The following RBPJ variants were observed in gnomAD, a reference collection of about 807,000 sequenced individuals.
The protein encoded by RBPJ is recombination signal binding protein for immunoglobulin kappa J region.
In RBPJ, 9 loss-of-function variants were observed where a neutral mutation model predicts 67.8. The ratio of observed to expected loss-of-function variants is 0.13; its 90% CI spans 0.08 to 0.23. The LOEUF (loss-of-function observed/expected upper bound fraction) is 0.23, where lower values mean the gene tolerates loss of function less well. RBPJ is among the 10% of genes least tolerant of loss of function. The probability of loss-of-function intolerance (pLI) is 1.00; values close to 1 mark genes in which losing one functional copy is unlikely to be tolerated. For missense variants in RBPJ, 305 were observed against 595.6 expected (o/e 0.51, Z 5.08); for synonymous variants, 198 against 203.3 (o/e 0.97, Z 0.22).
At chr4:26,223,027 C>G (rs569353887) in intron 1 of RBPJ, among the ~76,000 whole-genome samples, 9 of 151,768 alleles carry the variant, frequency 5.9e-5, no homozygotes, top group African/African-American at 2.2e-4. Flanking sequence ...TGGTGGTGTG[C>G]ACCTGTAATC....
At chr4:26,172,652 T>C (rs547853123) in intron 1 of RBPJ, among the ~76,000 whole-genome samples, 1 of 152,208 alleles carries the variant, frequency 6.6e-6, no homozygotes, top group African/African-American at 2.4e-5. Flanking sequence ...ATAATTAATA[T>C]CTACCTCATG....
At chr4:26,161,055 A>T (rs889983472), upstream of RBPJ, among the ~76,000 whole-genome samples, 12 of 152,182 alleles carry the variant, frequency 7.9e-5, no homozygotes, top group East Asian at 2.1e-3. Context: ...CAGCCATTAA[A>T]TCTGGGCTGG....
intron 1 of RBPJ, among the ~76,000 whole-genome samples, chr4:26,178,591 G>A (rs1039767189): frequency 1.7e-4 from 22 of 131,630 alleles, no homozygotes; most frequent in Non-Finnish European, 3.1e-4. Flanking sequence ...CTGGGTGACA[G>A]AGCAAGACCC....
At chr4:26,318,038 A>G (rs1722714920), upstream of RBPJ, among the ~76,000 whole-genome samples, 1 of 152,160 alleles carries the variant, frequency 6.6e-6, no homozygotes, top group African/African-American at 2.4e-5. Flanking sequence ...TCCTGTTCCA[A>G]GCCAGACTTG....
At chr4:26,165,802 G>T (rs1436454731) in intron 1 of RBPJ, among the ~76,000 whole-genome samples, 4 of 150,680 alleles carry the variant, frequency 2.7e-5, no homozygotes, top group Non-Finnish European at 4.4e-5. Flanking sequence ...TGCTATGCTG[G>T]TGTGCTGCAC....
upstream of RBPJ, among the ~76,000 whole-genome samples, chr4:26,160,181 G>A (rs985124361): frequency 2.6e-5 from 4 of 152,030 alleles, no homozygotes; most frequent in Non-Finnish European, 5.9e-5. Flanking sequence ...GCCTCCCAAA[G>A]TGCTGGGATT....
intron 1 of RBPJ, chr4:26,362,533 A>T: frequency 3.8e-6 from 6 of 1,599,840 alleles, no homozygotes; most frequent in Non-Finnish European, 4.3e-6. Flanking sequence ...AGAATGATAC[A>T]GATACACTGG....
chr4:26,230,898 T>C (rs774578791), intron 1 of RBPJ, among the ~76,000 whole-genome samples: 32 of 152,248 alleles, frequency 2.1e-4, no homozygotes, highest in Non-Finnish European at 4.3e-4. Flanking sequence ...CTGATATATT[T>C]TGACATTTTG....
At chr4:26,188,218 CAT>C (rs1430179326) in intron 1 of RBPJ, among the ~76,000 whole-genome samples, 2 of 151,958 alleles carry the variant, frequency 1.3e-5, no homozygotes, top group African/African-American at 2.4e-5. Context: ...CACACACACA[CAT>C]ACACACACAC....
chr4:26,153,284 A>C, the RBPJ span, among the ~76,000 whole-genome samples: 4 of 152,348 alleles, frequency 2.6e-5, no homozygotes, highest in Non-Finnish European at 5.9e-5. Flanking sequence ...CATAAGTGTG[A>C]ATTTTAAGGT....
At chr4:26,179,054 CACCAGGG>C (rs1196291505) in intron 1 of RBPJ, among the ~76,000 whole-genome samples, 1 of 152,098 alleles carries the variant, frequency 6.6e-6, no homozygotes, top group South Asian at 2.1e-4. Context: ...TCACAACACT[CACCAGGG>C]ACCCATGCAG....
chr4:26,115,859 A>G, the RBPJ span, among the ~76,000 whole-genome samples: 1 of 152,170 alleles, frequency 6.6e-6, no homozygotes, highest in East Asian at 1.9e-4. Context: ...TAATAAGGAT[A>G]GTATTTACAT....
the RBPJ span, among the ~76,000 whole-genome samples, chr4:26,131,539 T>G: frequency 6.6e-6 from 1 of 152,136 alleles, no homozygotes; most frequent in Non-Finnish European, 1.5e-5. Flanking sequence ...CCCCAAAAGA[T>G]ATCAGGTCCT....
In RBPJ at chr4:26,424,318, A is replaced by G. The variant is rs368028215; in HGVS notation, c.497-24A>G. 108 of 1,611,206 alleles carry G rather than the reference A, an allele frequency of 6.7e-5. No homozygotes were observed. The East Asian group carries it at 8.0e-4, about 12-fold the overall frequency. On this transcript the variant is annotated intron_variant, in intron 5 of 10. Transcript: ENST00000355476. The surrounding 1 kb of genome is among the most constrained non-coding windows in gnomAD (Gnocchi z 5.3). ...CCCACCTTCTGCTCCAATCACATAAATAAGAGCTGTTTTTTCTTTGCAGTA... is the reference window on the plus strand; with the variant it reads ...CCCACCTTCTGCTCCAATCACATAAGTAAGAGCTGTTTTTTCTTTGCAGTA...
intron 1 of RBPJ, among the ~76,000 whole-genome samples, chr4:26,184,793 G>A (rs141490732): frequency 7.1e-4 from 108 of 152,280 alleles, no homozygotes; most frequent in African/African-American, 2.2e-3. Flanking sequence ...ATAGTTTGTC[G>A]GAAGGCACAG....
chr4:26,328,147 C>G (rs1723847769), intron 1 of RBPJ, among the ~76,000 whole-genome samples: 1 of 150,198 alleles, frequency 6.7e-6, no homozygotes, highest in Non-Finnish European at 1.5e-5. Flanking sequence ...ATTTTTCATG[C>G]AAAAAATTAC....
the RBPJ span, among the ~76,000 whole-genome samples, chr4:26,146,918 A>C: frequency 1.2e-3 from 176 of 152,366 alleles, 1 homozygote; most frequent in African/African-American, 4.1e-3. Context: ...TCCAGGCAGA[A>C]GCAACAGCAT....
chr4:26,146,245 C>G, the RBPJ span, among the ~76,000 whole-genome samples: 1 of 152,186 alleles, frequency 6.6e-6, no homozygotes, highest in Non-Finnish European at 1.5e-5. Flanking sequence ...GTGCACCCAG[C>G]CTTGGTCAAC....
intron 1 of RBPJ, among the ~76,000 whole-genome samples, chr4:26,305,900 C>T (rs563275341): frequency 6.6e-6 from 1 of 151,328 alleles, no homozygotes; most frequent in Admixed American, 6.6e-5. Context: ...CTGCCTCAGC[C>T]TCCCAAGTAG....
Sources: allele counts gnomAD v4.1 joint callset (sites outside exome capture counted in the v4.1 genomes callset), GRCh38; gene constraint gnomAD v4.1.1; non-coding constraint Gnocchi (gnomAD v3.1); transcripts MANE v1.5; gene names NCBI Gene and HGNC (gene_info 2026-07-23, HGNC 2026-07-21).